AARS1: variants seen among roughly 807,000 people sequenced by gnomAD.
AARS1 encodes the protein alanine--tRNA ligase, cytoplasmic.
A neutral mutation model predicts 108.9 loss-of-function variants in AARS1; 72 were observed. The observed-to-expected ratio is 0.66, with a 90% CI of 0.55 to 0.80. The LOEUF is 0.80. AARS1 is among the 30% of genes least tolerant of loss of function. The probability of loss-of-function intolerance (pLI) is 0.00; values close to 1 mark genes in which losing one functional copy is unlikely to be tolerated. For synonymous variants in AARS1, 489 were observed against 465.7 expected, an observed-to-expected ratio of 1.05 and a Z score of -0.64; for missense variants, 1,193 against 1,233.2, an observed-to-expected ratio of 0.97 and a Z score of 0.49.
rs574996409 is a variant in AARS1 at position 70,256,891 on chromosome 16, G to A, written c.2178-1055C>T. Among the ~76,000 whole-genome samples, 30 of 151,358 alleles carry A rather than the reference G, an allele frequency of 2.0e-4. 1 individual carries two copies. Among genetic ancestry groups the A allele is most frequent in the South Asian group, 8.4e-4 (4 of 4,746 alleles). On this transcript the variant is annotated intron_variant, in intron 15 of 20. Transcript: ENST00000261772. ...GCACTTTGGGAGGCTGAGGCGGGTG[G>A]GTCACCTGAGATCAGGAGTTCAAGA...
Position 70,264,949 on chromosome 16 carries a change from G to A in AARS1, c.1492+9C>T. 1 of 1,614,066 alleles carries A rather than the reference G, an allele frequency of 6.2e-7. No homozygotes were observed. Among genetic ancestry groups the A allele is most frequent in the Non-Finnish European group, 8.5e-7 (1 of 1,180,014 alleles). On this transcript the variant is annotated intron_variant, in intron 11 of 20. Coordinates refer to ENST00000261772, the MANE Select transcript of AARS1 (RefSeq NM_001605.3). ...AATGCTCAGATGTGGAAGGAGCACAGCAACATACCATAGCTACCACTGGAG... is the reference window on the plus strand; with the variant it reads ...AATGCTCAGATGTGGAAGGAGCACAACAACATACCATAGCTACCACTGGAG...
intron 14 of AARS1, 124 bp downstream of exon 14, chr16:70,258,856 G>C: frequency 8.3e-7 from 1 of 1,208,844 alleles, no homozygotes; most frequent in Non-Finnish European, 1.2e-6. Context: ...TGCCCAGCCT[G>C]CTTTAAGCAA....
At chr16:70,262,648 T>C in intron 11 of AARS1, 124 bp from the exon 12 acceptor site, 7 of 1,060,784 alleles carry the variant, frequency 6.6e-6, no homozygotes, top group Non-Finnish European at 9.3e-6. Context: ...CCAATTGTAT[T>C]TTGGAAGCAA....
chr16:70,271,391 G>A (rs1234948169), intron 5 of AARS1, among the ~76,000 whole-genome samples: 1 of 151,678 alleles, frequency 6.6e-6, no homozygotes, highest in Non-Finnish European at 1.5e-5. Flanking sequence ...AGCCGGGCGT[G>A]GTGGCACATG....
At chr16:70,269,322 G>GAAAAAAAAAAAAAAA (rs56394253) in intron 7 of AARS1, among the ~76,000 whole-genome samples, 13 of 64,266 alleles carry the variant, frequency 2.0e-4, no homozygotes, top group African/African-American at 7.9e-4. Context: ...TTCTGTCTCA[G>GAAAAAAAAAAAAAAA]AAAAAAAAAA....
intron 4 of AARS1, among the ~76,000 whole-genome samples, chr16:70,272,942 A>C (rs1160596482): frequency 6.9e-6 from 1 of 145,698 alleles, no homozygotes; most frequent in Non-Finnish European, 1.5e-5. Flanking sequence ...GTGCTTGCTT[A>C]TCTTTTAAAA....
chr16:70,263,028 C>T (rs1444720274), intron 11 of AARS1, among the ~76,000 whole-genome samples: 1 of 141,002 alleles, frequency 7.1e-6, no homozygotes, highest in Non-Finnish European at 1.5e-5. Flanking sequence ...CGCATGCTGG[C>T]TTTCCATCAA....
intron 5 of AARS1, among the ~76,000 whole-genome samples, chr16:70,270,960 C>A (rs1287181319): frequency 6.6e-6 from 1 of 151,214 alleles, no homozygotes; most frequent in Admixed American, 6.6e-5. Context: ...ACCAGCCTGG[C>A]CAACATGATG....
intron 2 of AARS1, among the ~76,000 whole-genome samples, chr16:70,279,670 C>CAAAAAAAAAAAAAAAAAA (rs367753826): frequency 1.7e-5 from 2 of 114,580 alleles, no homozygotes; most frequent in Admixed American, 1.0e-4. Context: ...CAAAAAAAAA[C>CAAAAAAAAAAAAAAAAAA]AAAAAAAAAA....
chr16:70,269,786 A>G (rs767223855), intron 6 of AARS1, 23 bp from the exon 7 acceptor site: 1 of 1,613,864 alleles, frequency 6.2e-7, no homozygotes, highest in African/African-American at 1.3e-5. Context: ...ATCAGGAGGC[A>G]GCCCTTTAGG....
chr16:70,288,986 C>T (rs1037610463), intron 1 of AARS1, among the ~76,000 whole-genome samples: 2 of 152,190 alleles, frequency 1.3e-5, no homozygotes, highest in African/African-American at 2.4e-5. Context: ...CTTCAAAGCA[C>T]ACCGAGAAAT....
intron 1 of AARS1, among the ~76,000 whole-genome samples, chr16:70,287,197 G>A (rs1236490120): frequency 7.0e-6 from 1 of 143,438 alleles, no homozygotes; most frequent in Non-Finnish European, 1.5e-5. Flanking sequence ...GGAGCTTGCA[G>A]TGAGCCGAGA....
In AARS1 at chr16:70,252,829, G is replaced by A; in HGVS notation, c.2799C>T (p.Gly933=). 1 of 1,614,166 alleles carries A rather than the reference G, an allele frequency of 6.2e-7. No individual in the cohort carries two copies. Among genetic ancestry groups the A allele is most frequent in the Admixed American group, 1.7e-5 (1 of 60,022 alleles). The change falls in exon 21 of 21, where the codon GGC becomes GGT. Residue 933 remains glycine (G), a synonymous_variant. Transcript: ENST00000261772. The stretch of plus-strand genomic sequence containing the variant: ...CTGTGGCCTGTGCAGACACATCCTT[G>A]CCACCACCTTTACCGTCCATCAAGC... ...VSGLMDGKGG[G]KDVSAQATGK... is the part of the protein sequence containing the mutation.
intron 16 of AARS1, among the ~76,000 whole-genome samples, chr16:70,255,222 C>T (rs572761455): frequency 4.5e-4 from 47 of 105,020 alleles, no homozygotes; most frequent in African/African-American, 2.3e-3. Context: ...TTTTTGGAGA[C>T]GGAGTCTCGC....
At chr16:70,280,088 T>C (rs1960658482) in intron 2 of AARS1, among the ~76,000 whole-genome samples, 1 of 152,116 alleles carries the variant, frequency 6.6e-6, no homozygotes, top group Non-Finnish European at 1.5e-5. Flanking sequence ...CTTTAATTTT[T>C]CTCTTTTCCT....
At chr16:70,266,089 G>A (rs1256808933) in intron 9 of AARS1, among the ~76,000 whole-genome samples, 4 of 152,140 alleles carry the variant, frequency 2.6e-5, no homozygotes, top group Non-Finnish European at 4.4e-5. Context: ...CGAGGCGGGC[G>A]GATCAGGAGG....
At chr16:70,265,470 C>A in intron 10 of AARS1, 68 bp downstream of exon 10, 1 of 1,608,652 alleles carries the variant, frequency 6.2e-7, no homozygotes, top group Non-Finnish European at 8.5e-7. Context: ...AACTCATGCT[C>A]AGTCTGCAGC....
At chr16:70,275,351 C>G (rs929850739) in intron 4 of AARS1, among the ~76,000 whole-genome samples, 1 of 152,108 alleles carries the variant, frequency 6.6e-6, no homozygotes, top group Admixed American at 6.6e-5. Context: ...CGTGGTGACT[C>G]ATGCCTGTAA....
At position 70,271,986 on chromosome 16, in the gene AARS1, A is replaced by T; in HGVS notation, c.480-14T>A. ...GTGTCATCCAGCCTGACAAAGGAGT[A>T]AAGATAAGTCCAGTTACAGCCCCTG... On this transcript the variant is annotated splice_polypyrimidine_tract_variant and intron_variant, in intron 4 of 20. Coordinates refer to ENST00000261772, the MANE Select transcript of AARS1 (RefSeq NM_001605.3). 6.2e-7 allele frequency: 1 copy of T among 1,613,122 alleles called. No homozygotes were observed. The highest frequency in any genetic ancestry group is 8.5e-7 in the Non-Finnish European group (1 of 1,179,174).
Sources: gnomAD v4.1 joint callset for allele counts (sites outside exome capture counted in the v4.1 genomes callset) on GRCh38, gnomAD v4.1.1 for gene constraint, MANE v1.5 for transcripts, NCBI Gene and HGNC (gene_info 2026-07-23, HGNC 2026-07-21) for gene names.